The following ZNF814 variants were observed in gnomAD, a reference collection of about 807,000 sequenced individuals.
ZNF814 encodes the protein zinc finger protein 814.
ZNF814 carries 5 observed loss-of-function variants against 7.5 expected under a neutral mutation model. The ratio of observed to expected loss-of-function variants is 0.67; its 90% CI spans 0.35 to 1.40. ZNF814 has a LOEUF of 1.40. Ranked by LOEUF, ZNF814 falls within the 40% of genes most tolerant of loss-of-function variation. The probability of loss-of-function intolerance (pLI) is 0.04; values close to 1 mark genes in which losing one functional copy is unlikely to be tolerated. For synonymous variants in ZNF814, 315 were observed against 340.7 expected (o/e 0.92, Z 0.83); for missense variants, 962 against 1,018.0 (o/e 0.94, Z 0.75).
intron 1 of ZNF814, among the ~76,000 whole-genome samples, chr19:57,885,356 G>A (rs146300158): frequency 3.6e-4 from 54 of 148,400 alleles, no homozygotes; most frequent in East Asian, 3.0e-3. Flanking sequence ...GTGAGGGCGC[G>A]GTGGTGGCTC....
At chr19:57,903,228 T>G in the ZNF814 span, among the ~76,000 whole-genome samples, 2 of 152,228 alleles carry the variant, frequency 1.3e-5, no homozygotes, top group African/African-American at 4.8e-5. Flanking sequence ...TTTGCTATAA[T>G]TGGCCTCACT....
chr19:57,873,915 T>C lies in ZNF814; in HGVS notation c.1475A>G (p.Tyr492Cys), dbSNP rs1568517310. The C allele has an allele frequency of 1.2e-6, 2 of 1,613,926 alleles. No homozygotes were observed. Among genetic ancestry groups the C allele is most frequent in the Non-Finnish European group, 1.7e-6 (2 of 1,179,904 alleles). The change falls in exon 3 of 3, where the codon TAT becomes TGT. Residue 492 changes from tyrosine (Y) to cysteine (C), a missense_variant. Transcript: ENST00000435989. Reference sequence around the variant, plus strand: ...AGATTTCCCACATTCTCCACACTGATAAGGTCTTTCTCCACTGTGAACTCG... The same window carrying C: ...AGATTTCCCACATTCTCCACACTGACAAGGTCTTTCTCCACTGTGAACTCG... ...HQRVHSGERP[Y>C]QCGECGKSFS...
At chr19:57,902,421 C>T in the ZNF814 span, among the ~76,000 whole-genome samples, 1,721 of 152,158 alleles carry the variant, frequency 0.011, 37 homozygotes, top group African/African-American at 0.038. Flanking sequence ...TATATGGAGC[C>T]CTGGTGGCAT....
rs568557087 is a variant in ZNF814 at position 57,877,049 on chromosome 19, T to C, written c.37-7A>G. On this transcript the variant is annotated splice_region_variant and splice_polypyrimidine_tract_variant and intron_variant, in intron 1 of 2. Transcript: ENST00000435989. Reference sequence around the variant, plus strand: ...CTTCAAAAGTCACTGTGCCCTGTTATGATGTTGACAGATGAAACTACAAAC... The same window carrying C: ...CTTCAAAAGTCACTGTGCCCTGTTACGATGTTGACAGATGAAACTACAAAC... 3.5e-5 allele frequency: 57 copies of C among 1,613,890 alleles called. No homozygotes were observed. The East Asian group carries it at 8.2e-4, about 23-fold the overall frequency.
In ZNF814 at chr19:57,873,948, T is replaced by C. The variant is rs773532342; in HGVS notation, c.1442A>G (p.His481Arg). 1 of 1,613,906 alleles carries C rather than the reference T, an allele frequency of 6.2e-7. No individual in the cohort carries two copies. The highest frequency in any genetic ancestry group is 1.1e-5 in the South Asian group (1 of 91,054). The change falls in exon 3 of 3, where the codon CAC becomes CGC. Residue 481 changes from histidine to arginine, a missense_variant. Coordinates refer to ENST00000435989, the MANE Select transcript of ZNF814 (RefSeq NM_001144989.2). ...KSFSHKRSLV[H>R]HQRVHSGERP... ...TTCTCCACTGTGAACTCGCTGATGGTGAACAAGGCTGCGCTTATGACTGAA... is the reference window on the plus strand; with the variant it reads ...TTCTCCACTGTGAACTCGCTGATGGCGAACAAGGCTGCGCTTATGACTGAA...
chr19:57,874,524 C>A lies in ZNF814; in HGVS notation c.866G>T (p.Arg289Ile). 6.5e-7 allele frequency: 1 copy of A among 1,530,240 alleles called. No homozygotes were observed. Among genetic ancestry groups the A allele is most frequent in the Non-Finnish European group, 8.8e-7 (1 of 1,140,402 alleles). 94.8% of individuals were successfully genotyped at this position (1,530,240 alleles called of 1,614,324 possible). A position where few individuals can be genotyped will look rare whatever the true frequency, so the allele number is the denominator to read the frequency against. Reference protein sequence around the residue: ...SKYVSFSNHQRVHTEKKHECG... With the variant: ...SKYVSFSNHQIVHTEKKHECG... ...TTCATGTTTTTTTTCAGTGTGAACT[C>A]TCTGATGATTACTGAAGCTAACATA... The change falls in exon 3 of 3, where the codon AGA (arginine) becomes ATA (isoleucine). Residue 289 changes from arginine to isoleucine, a missense_variant. Physicochemically the swap from Arg to Ile is moderately conservative, Grantham distance 97. This residue lies in a region of ZNF814 where 30 missense variants were observed against 97.6 expected (regional missense o/e 0.31). Coordinates refer to ENST00000435989, the MANE Select transcript of ZNF814 (RefSeq NM_001144989.2).
intron 2 of ZNF814, among the ~76,000 whole-genome samples, chr19:57,875,434 CA>C (rs1035816852): frequency 1.5e-4 from 23 of 152,206 alleles, no homozygotes; most frequent in Admixed American, 1.1e-3. Flanking sequence ...TTAAAGGACA[CA>C]ACCATGTATG....
At position 57,870,108 on chromosome 19, in the gene ZNF814, C is replaced by T. The variant is rs190073734; in HGVS notation, c.*2714G>A. ...ACAAAAAATTAGCTGGGTATGGTGG[C>T]GGGCACCTGTAGTCCCAGCTACTTG... On this transcript the variant is annotated 3_prime_UTR_variant, in exon 3 of 3. Coordinates refer to ENST00000435989, the MANE Select transcript of ZNF814 (RefSeq NM_001144989.2). The T allele has an allele frequency of 1.6e-3, 243 of 152,066 alleles. No homozygotes were observed. The highest frequency in any genetic ancestry group is 2.4e-3 in the Non-Finnish European group (160 of 68,048). 9.4% of individuals were successfully genotyped at this position (152,066 alleles called of 1,614,324 possible).
chr19:57,893,556 C>A (rs936758234), upstream of ZNF814, among the ~76,000 whole-genome samples: 5 of 151,570 alleles, frequency 3.3e-5, no homozygotes, highest in Non-Finnish European at 7.4e-5. Context: ...GCAGGTGGAT[C>A]ACCTGAGGTC....
At chr19:57,880,435 C>T (rs1158982500) in intron 1 of ZNF814, among the ~76,000 whole-genome samples, 302 of 150,266 alleles carry the variant, frequency 2.0e-3, no homozygotes, top group African/African-American at 7.3e-3. Flanking sequence ...AGTGTTTACA[C>T]AGTTTCACTG....
chr19:57,873,672 T>A lies in ZNF814; in HGVS notation c.1718A>T (p.Glu573Val). 1 of 1,613,944 alleles carries A rather than the reference T, an allele frequency of 6.2e-7. No homozygotes were observed. Among genetic ancestry groups the A allele is most frequent in the Non-Finnish European group, 8.5e-7 (1 of 1,179,964 alleles). ...LILHQRVHPRERSYGCGECGK... is the reference protein window; with the variant it reads ...LILHQRVHPRVRSYGCGECGK... ...ACATTCTCCACACCCATAAGATCTT[T>A]CTCTAGGGTGAACTCGCTGATGTAG... Residue 573 changes from glutamate (E) to valine (V), a missense_variant, in exon 3 of 3, where the codon GAA (glutamate) becomes GTA (valine). Coordinates refer to ENST00000435989, the MANE Select transcript of ZNF814 (RefSeq NM_001144989.2).
chr19:57,888,698 G>A, intron 1 of ZNF814, 69 bp downstream of exon 1: 4 of 1,539,378 alleles, frequency 2.6e-6, no homozygotes, highest in South Asian at 1.2e-5. Flanking sequence ...GCCGTGAACA[G>A]GCGCTGCTAC....
the ZNF814 span, among the ~76,000 whole-genome samples, chr19:57,894,534 C>CA: frequency 5.3e-5 from 8 of 151,990 alleles, no homozygotes; most frequent in South Asian, 1.7e-3. Context: ...GGCATAGCTG[C>CA]AAAAAGCATA....
chr19:57,887,944 T>C (rs576214694), intron 1 of ZNF814, among the ~76,000 whole-genome samples: 1 of 152,366 alleles, frequency 6.6e-6, no homozygotes. Flanking sequence ...CCATTTATCC[T>C]TTTAATTTTT....
chr19:57,887,398 C>A (rs1194411621), intron 1 of ZNF814, among the ~76,000 whole-genome samples: 2 of 152,220 alleles, frequency 1.3e-5, no homozygotes, highest in Non-Finnish European at 2.9e-5. Context: ...TGCCCACCAA[C>A]TGGCCCAGAC....
At chr19:57,893,544 A>G (rs911487184), upstream of ZNF814, among the ~76,000 whole-genome samples, 2 of 151,722 alleles carry the variant, frequency 1.3e-5, no homozygotes, top group Non-Finnish European at 1.5e-5. Context: ...TGGGAGGCAG[A>G]GGCAGGTGGA....
At chr19:57,894,911 G>A in the ZNF814 span, among the ~76,000 whole-genome samples, 3 of 151,804 alleles carry the variant, frequency 2.0e-5, no homozygotes, top group South Asian at 4.2e-4. Flanking sequence ...ACCTGAATAC[G>A]CAATTTTAGA....
intron 2 of ZNF814, among the ~76,000 whole-genome samples, chr19:57,876,208 G>T (rs1600136867): frequency 6.6e-6 from 1 of 151,910 alleles, no homozygotes; most frequent in East Asian, 1.9e-4. Flanking sequence ...CACCTGCCAG[G>T]GCCTCCCAAA....
At chr19:57,880,804 G>A (rs2122450667) in intron 1 of ZNF814, among the ~76,000 whole-genome samples, 1 of 147,346 alleles carries the variant, frequency 6.8e-6, no homozygotes, top group East Asian at 2.0e-4. Context: ...TTTTAGTAGA[G>A]ACACGGTTTT....
Sources: gnomAD v4.1 joint callset for allele counts (sites outside exome capture counted in the v4.1 genomes callset) on GRCh38, gnomAD v4.1.1 for gene constraint, gnomAD v4.1.1 regional missense constraint, MANE v1.5 for transcripts, NCBI Gene and HGNC (gene_info 2026-07-23, HGNC 2026-07-21) for gene names.